EFCAB13: variants seen among roughly 807,000 people sequenced by gnomAD.
EFCAB13 encodes the protein EF-hand calcium-binding domain-containing protein 13.
A neutral mutation model predicts 110.2 loss-of-function variants in EFCAB13; 91 were observed. The observed-to-expected ratio is 0.83, with a 90% CI of 0.70 to 0.98. The LOEUF is 0.98. Ranked by LOEUF, EFCAB13 falls within the 50% of genes least tolerant of loss-of-function variation. EFCAB13 has a pLI of 0.00. For synonymous variants in EFCAB13, 323 were observed against 369.9 expected (o/e 0.87, Z 1.45); for missense variants, 968 against 1,119.4 (o/e 0.86, Z 1.93).
chr17:47,418,135 A>G (rs1229731279), intron 23 of EFCAB13, among the ~76,000 whole-genome samples: 3 of 152,200 alleles, frequency 2.0e-5, no homozygotes, highest in Non-Finnish European at 4.4e-5. Context: ...TTGTTATACA[A>G]TCAAAAGATG....
chr17:47,413,021 C>A (rs1047189942), intron 22 of EFCAB13, 105 bp downstream of exon 22: 1 of 1,181,990 alleles, frequency 8.5e-7, no homozygotes, highest in Non-Finnish European at 1.2e-6. Flanking sequence ...AGTCATTTTT[C>A]TTTTGGAGGC....
chr17:47,396,437 A>G (rs1166420679), intron 17 of EFCAB13, among the ~76,000 whole-genome samples: 1 of 152,188 alleles, frequency 6.6e-6, no homozygotes, highest in Non-Finnish European at 1.5e-5. Flanking sequence ...CAAACAAAAT[A>G]AAAACAAAGT....
chr17:47,428,622 A>G (rs556969260), intron 23 of EFCAB13, among the ~76,000 whole-genome samples: 4 of 152,124 alleles, frequency 2.6e-5, no homozygotes, highest in Non-Finnish European at 5.9e-5. Flanking sequence ...TACCACTGCA[A>G]TGGAGCAAGG....
chr17:47,424,534 A>T (rs188836772), intron 23 of EFCAB13, among the ~76,000 whole-genome samples: 42 of 152,292 alleles, frequency 2.8e-4, no homozygotes, highest in Middle Eastern at 3.4e-3. Context: ...AATGGGACAG[A>T]TACTTATTTC....
chr17:47,427,187 G>A (rs1904990159), intron 23 of EFCAB13, among the ~76,000 whole-genome samples: 1 of 152,000 alleles, frequency 6.6e-6, no homozygotes, highest in Admixed American at 6.5e-5. Context: ...TTGATAGACT[G>A]CCTTTTCCAA....
At position 47,419,438 on chromosome 17, in the gene EFCAB13, C is replaced by A. The variant is rs539821623; in HGVS notation, c.2494+4519C>A. On this transcript the variant is annotated intron_variant, in intron 23 of 24. Transcript: ENST00000331493. ...TCCCTACAAAAAATTTAAAAATAAG[C>A]CAGGTGTGATGGCACATGACTGTAG... 7.2e-4 allele frequency among the ~76,000 whole-genome samples: 110 copies of A among 152,090 alleles called. No individual in the cohort carries two copies. The South Asian group carries it at 0.013, about 18-fold the overall frequency.
intron 23 of EFCAB13, among the ~76,000 whole-genome samples, chr17:47,424,154 C>T (rs1276761021): frequency 2.0e-5 from 3 of 152,228 alleles, no homozygotes; most frequent in East Asian, 3.9e-4. Context: ...TGCTCGGCGC[C>T]GCCGCCGCCT....
chr17:47,417,014 T>C (rs1904474166), intron 23 of EFCAB13, among the ~76,000 whole-genome samples: 2 of 152,208 alleles, frequency 1.3e-5, no homozygotes, highest in Admixed American at 1.3e-4. Context: ...TTACTAATAG[T>C]CTACTGTTGA....
At chr17:47,423,668 G>A in intron 23 of EFCAB13, 1 of 433,230 alleles carries the variant, frequency 2.3e-6, no homozygotes, top group East Asian at 3.8e-5. Flanking sequence ...GCGGCGCGCG[G>A]GGTCCGCACG....
intron 14 of EFCAB13, 99 bp from the exon 15 acceptor site, chr17:47,391,338 T>C: frequency 1.2e-6 from 1 of 865,748 alleles, no homozygotes; most frequent in Non-Finnish European, 1.7e-6. Context: ...GTGATTTATA[T>C]TTTTGTTAAT....
At chr17:47,361,340 CT>C in intron 9 of EFCAB13, 37 bp from the exon 10 acceptor site, 2 of 1,598,686 alleles carry the variant, frequency 1.3e-6, no homozygotes, top group Non-Finnish European at 1.7e-6. Context: ...CCAAGAAAAG[CT>C]GTTGATTCTC....
At chr17:47,414,737 A>G (rs1904375196) in intron 22 of EFCAB13, 111 bp from the exon 23 acceptor site, 1 of 714,548 alleles carries the variant, frequency 1.4e-6, no homozygotes, top group South Asian at 1.7e-5. Context: ...TTTGAGACAG[A>G]AAAGTGAGCT....
In EFCAB13 at chr17:47,374,736, A is replaced by G; in HGVS notation, c.1142A>G (p.Gln381Arg). 6 of 1,614,142 alleles carry G rather than the reference A, an allele frequency of 3.7e-6. No homozygotes were observed. The highest frequency in any genetic ancestry group is 4.2e-6 in the Non-Finnish European group (5 of 1,179,994). Reference protein sequence around the residue: ...GGVGSSNVGVQEPYSKNGINF... With the variant: ...GGVGSSNVGVREPYSKNGINF... Reference sequence around the variant, plus strand: ...GTTGGCAGCAGTAATGTAGGAGTCCAAGAACCATATTCAAAGAATGGCATA... The same window carrying G: ...GTTGGCAGCAGTAATGTAGGAGTCCGAGAACCATATTCAAAGAATGGCATA... The change falls in exon 12 of 25, where the codon CAA becomes CGA. Residue 381 changes from glutamine (Q) to arginine (R), a missense_variant. Gln to Arg is a conservative substitution (Grantham distance 43). Transcript: ENST00000331493.
intron 16 of EFCAB13, among the ~76,000 whole-genome samples, chr17:47,395,066 G>A (rs1184497897): frequency 6.6e-6 from 1 of 151,958 alleles, no homozygotes; most frequent in African/African-American, 2.4e-5. Context: ...GTCTCCTCCT[G>A]TTTTCACTTT....
rs146410939 is a variant in EFCAB13, at chr17:47,361,398, A to G, written c.682A>G (p.Ile228Val). 3.2e-4 allele frequency: 510 copies of G among 1,613,170 alleles called. 6 individuals are homozygous for G. The East Asian group carries it at 0.011, about 36-fold the overall frequency. ...DIDAFQDALK[I>V]FCRIKGGRVS... ...TGCAGCATTCCAGGATGCCTTGAAG[A>G]TTTTCTGTAGGATAAAAGGTGGTCG... The change falls in exon 10 of 25, where the codon ATT becomes GTT. Residue 228 changes from isoleucine to valine, a missense_variant. Coordinates refer to ENST00000331493, the MANE Select transcript of EFCAB13 (RefSeq NM_152347.5).
chr17:47,369,104 G>A (rs1053217939), intron 10 of EFCAB13, among the ~76,000 whole-genome samples: 1 of 152,158 alleles, frequency 6.6e-6, no homozygotes, highest in Non-Finnish European at 1.5e-5. Flanking sequence ...GTGAAAAATG[G>A]TATATGAACC....
In EFCAB13 at chr17:47,440,701, A is replaced by G. The variant is rs1346407569; in HGVS notation, c.2909A>G (p.Asn970Ser). ...SKANIAKLNP[N>S]SKF Reference sequence around the variant, plus strand: ...GCAAATATTGCTAAGCTTAACCCAAACTCAAAATTTTAGGTAGTCTTACTT... The same window carrying G: ...GCAAATATTGCTAAGCTTAACCCAAGCTCAAAATTTTAGGTAGTCTTACTT... Residue 970 changes from asparagine (N) to serine (S), a missense_variant, in exon 25 of 25, where the codon AAC becomes AGC. Transcript: ENST00000331493. The G allele has an allele frequency of 1.3e-6, 2 of 1,561,860 alleles. No individual in the cohort carries two copies. The highest frequency in any genetic ancestry group is 1.7e-6 in the Non-Finnish European group (2 of 1,159,568).
chr17:47,438,533 A>C (rs1905253819), intron 24 of EFCAB13, among the ~76,000 whole-genome samples: 1 of 149,392 alleles, frequency 6.7e-6, no homozygotes, highest in African/African-American at 2.5e-5. Context: ...GATTGAGTTA[A>C]TTAGAAGAAC....
At chr17:47,423,444 G>A (rs966723780) in intron 23 of EFCAB13, 1 of 196,908 alleles carries the variant, frequency 5.1e-6, no homozygotes, top group African/African-American at 2.3e-5. Context: ...CCCGCGGCCC[G>A]GGGCGGAGTT....
Sources: gnomAD v4.1 joint callset for allele counts (sites outside exome capture counted in the v4.1 genomes callset) on GRCh38, gnomAD v4.1.1 for gene constraint, MANE v1.5 for transcripts, NCBI Gene and HGNC (gene_info 2026-07-23, HGNC 2026-07-21) for gene names.